AGBL1: variants seen among roughly 807,000 people sequenced by gnomAD.
The protein encoded by AGBL1 is cytosolic carboxypeptidase 4.
AGBL1 carries 130 observed loss-of-function variants against 118.9 expected under a neutral mutation model. The observed-to-expected ratio is 1.09, with a 90% CI of 0.95 to 1.26. The LOEUF (loss-of-function observed/expected upper bound fraction) is 1.26, where lower values mean the gene tolerates loss of function less well. Among genes scored for constraint, AGBL1 ranks in the 50% most tolerant of loss-of-function variants. The pLI, the probability that AGBL1 is intolerant of heterozygous loss-of-function variation, is 0.00. For synonymous variants in AGBL1, 555 were observed against 478.9 expected (o/e 1.16, Z -2.08); for missense variants, 1,584 against 1,298.1 (o/e 1.22, Z -3.38).
At chr15:86,512,539 G>T (rs2083064806) in intron 18 of AGBL1, among the ~76,000 whole-genome samples, 1 of 151,630 alleles carries the variant, frequency 6.6e-6, no homozygotes, top group Non-Finnish European at 1.5e-5. Flanking sequence ...TTATTACCTA[G>T]ATTTCCAATG....
At chr15:86,702,718 G>A (rs1302193123) in intron 22 of AGBL1, among the ~76,000 whole-genome samples, 2 of 151,916 alleles carry the variant, frequency 1.3e-5, no homozygotes, top group Non-Finnish European at 1.5e-5. Flanking sequence ...CACTTTTCTT[G>A]CATCTCCTAT....
chr15:86,384,114 A>T (rs1398047912), intron 17 of AGBL1, among the ~76,000 whole-genome samples: 1 of 152,130 alleles, frequency 6.6e-6, no homozygotes, highest in Admixed American at 6.5e-5. Flanking sequence ...CGTGGGCTCC[A>T]TTGAGGTAGT....
chr15:86,486,018 T>G (rs779415170), intron 18 of AGBL1, among the ~76,000 whole-genome samples: 1 of 152,068 alleles, frequency 6.6e-6, no homozygotes, highest in Non-Finnish European at 1.5e-5. Context: ...TGTATCTGGG[T>G]TGACACTTAG....
At chr15:86,359,487 T>A (rs954309275) in intron 17 of AGBL1, among the ~76,000 whole-genome samples, 5 of 150,290 alleles carry the variant, frequency 3.3e-5, no homozygotes, top group African/African-American at 1.2e-4. Context: ...TGCCTCCAAC[T>A]TTTCATTTGT....
At chr15:86,983,999 G>A (rs754364579) in intron 23 of AGBL1, among the ~76,000 whole-genome samples, 2 of 152,100 alleles carry the variant, frequency 1.3e-5, no homozygotes, top group African/African-American at 2.4e-5. Context: ...TACAAGTATA[G>A]GCATATGCTT....
chr15:87,015,355 T>C (rs1363590258), intron 24 of AGBL1, among the ~76,000 whole-genome samples: 1 of 152,078 alleles, frequency 6.6e-6, no homozygotes, highest in East Asian at 1.9e-4. Context: ...TTTCTGCCTG[T>C]CTGTCTGTCT....
chr15:86,310,415 G>GA lies in AGBL1; in HGVS notation c.2374+15008dup, dbSNP rs548974498. ...AAGATTCTTGGTGGGCGTTTGGCATGATCCACAGGCAGGCTTCCTGTTGGA... is the reference window on the plus strand; with the variant it reads ...AAGATTCTTGGTGGGCGTTTGGCATGAATCCACAGGCAGGCTTCCTGTTGGA... On this transcript the variant is annotated intron_variant, in intron 17 of 22. Coordinates refer to ENST00000614907, the MANE Select transcript of AGBL1 (RefSeq NM_001386094.1). Among the ~76,000 whole-genome samples the GA allele has an allele frequency of 2.7e-3, 414 of 152,014 alleles. 1 individual carries two copies. Among genetic ancestry groups the GA allele is most frequent in the Non-Finnish European group, 4.7e-3 (320 of 67,970 alleles).
At chr15:86,828,947 GTATT>G (rs549793690) in intron 22 of AGBL1, among the ~76,000 whole-genome samples, 178 of 141,174 alleles carry the variant, frequency 1.3e-3, no homozygotes, top group East Asian at 4.2e-3. Flanking sequence ...TATATACTGT[GTATT>G]TATATGGTAT....
chr15:86,894,194 C>T (rs557960846), intron 22 of AGBL1, among the ~76,000 whole-genome samples: 2 of 152,284 alleles, frequency 1.3e-5, no homozygotes, highest in South Asian at 2.1e-4. Flanking sequence ...AAGGCCCACT[C>T]TATCAGTGGA....
At chr15:86,258,420 A>T (rs2078931805) in intron 9 of AGBL1, among the ~76,000 whole-genome samples, 2 of 152,188 alleles carry the variant, frequency 1.3e-5, no homozygotes, top group South Asian at 4.1e-4. Context: ...TCCTTTCTGC[A>T]CAGGGGTGCT....
intron 18 of AGBL1, among the ~76,000 whole-genome samples, chr15:86,494,806 G>A (rs1176098809): frequency 6.6e-6 from 1 of 151,976 alleles, no homozygotes; most frequent in Non-Finnish European, 1.5e-5. Flanking sequence ...TATATCAGGA[G>A]CCATTATTAC....
intron 21 of AGBL1, among the ~76,000 whole-genome samples, chr15:86,664,572 T>A (rs2085609299): frequency 6.6e-6 from 1 of 152,136 alleles, no homozygotes; most frequent in South Asian, 2.1e-4. Flanking sequence ...GATGTCTCAT[T>A]GCTATTTCTT....
intron 22 of AGBL1, among the ~76,000 whole-genome samples, chr15:86,717,391 A>G (rs988939320): frequency 1.1e-4 from 17 of 152,176 alleles, no homozygotes; most frequent in African/African-American, 4.1e-4. Context: ...ATGCTCTATA[A>G]ACAGATTGCT....
intron 22 of AGBL1, among the ~76,000 whole-genome samples, chr15:86,737,408 T>G (rs1369591458): frequency 6.6e-6 from 1 of 152,226 alleles, no homozygotes; most frequent in Non-Finnish European, 1.5e-5. Flanking sequence ...TTATTTCTGG[T>G]TATCACAACA....
At chr15:86,320,611 A>G (rs537441994) in intron 17 of AGBL1, among the ~76,000 whole-genome samples, 2 of 151,974 alleles carry the variant, frequency 1.3e-5, no homozygotes, top group Non-Finnish European at 2.9e-5. Flanking sequence ...ATTCAGAACA[A>G]TGCTTATTAT....
intron 5 of AGBL1, among the ~76,000 whole-genome samples, chr15:86,168,571 A>G: frequency 6.6e-6 from 1 of 152,318 alleles, no homozygotes; most frequent in East Asian, 1.9e-4. Context: ...GAAAAAGCTC[A>G]ATAATAGGGA....
intron 17 of AGBL1, among the ~76,000 whole-genome samples, chr15:86,301,896 C>A (rs35925082): frequency 0.041 from 6,201 of 152,024 alleles, 160 homozygotes; most frequent in South Asian, 0.075. Flanking sequence ...AGTTGGCAAT[C>A]CAAAAACTAT....
At chr15:86,695,854 A>T (rs960587562) in intron 22 of AGBL1, among the ~76,000 whole-genome samples, 1 of 151,978 alleles carries the variant, frequency 6.6e-6, no homozygotes, top group Non-Finnish European at 1.5e-5. Flanking sequence ...TTATTGACCC[A>T]ATGATCATTC....
intron 6 of AGBL1, among the ~76,000 whole-genome samples, chr15:86,241,775 C>T (rs2078645225): frequency 6.6e-6 from 1 of 152,190 alleles, no homozygotes; most frequent in South Asian, 2.1e-4. Context: ...CATGTTCAAA[C>T]TGTAACATTG....
Sources: allele counts gnomAD v4.1 joint callset (sites outside exome capture counted in the v4.1 genomes callset), GRCh38; gene constraint gnomAD v4.1.1; transcripts MANE v1.5; gene names NCBI Gene and HGNC (gene_info 2026-07-23, HGNC 2026-07-21).